THSD7A: variants seen among roughly 807,000 people sequenced by gnomAD.
The protein encoded by THSD7A is thrombospondin type 1 domain containing 7A, also known as thrombospondin type-1 domain-containing protein 7A.
THSD7A carries 96 observed loss-of-function variants against 231.3 expected under a neutral mutation model. That is an observed-to-expected ratio of 0.41 (90% CI 0.35 to 0.49). The LOEUF is 0.49. THSD7A is among the 20% of genes least tolerant of loss of function. The pLI is 0.05. For synonymous variants in THSD7A, 940 were observed against 743.3 expected (o/e 1.26, Z -4.30); for missense variants, 2,290 against 2,070.2 (o/e 1.11, Z -2.06).
chr7:11,376,938 A>G (rs937401417), intron 26 of THSD7A: 7 of 270,952 alleles, frequency 2.6e-5, no homozygotes, highest in Admixed American at 9.9e-5. Flanking sequence ...TTTCATCTCA[A>G]TTTTACTTCA....
intron 2 of THSD7A, among the ~76,000 whole-genome samples, chr7:11,606,568 C>A (rs1049563916): frequency 1.3e-5 from 2 of 152,032 alleles, no homozygotes; most frequent in African/African-American, 2.4e-5. Context: ...TCATTTTTAG[C>A]CTCTGTAGAA....
chr7:11,487,870 G>A (rs1786726036), intron 6 of THSD7A, among the ~76,000 whole-genome samples: 1 of 152,088 alleles, frequency 6.6e-6, no homozygotes, highest in Non-Finnish European at 1.5e-5. Context: ...ATTTGGGTGG[G>A]GACACAGCAA....
chr7:11,557,833 T>C (rs953034571), intron 4 of THSD7A, among the ~76,000 whole-genome samples: 1 of 152,160 alleles, frequency 6.6e-6, no homozygotes. Context: ...GTCAGTTCCC[T>C]ACTTGGCCTT....
chr7:11,493,135 C>T (rs1041020263), intron 6 of THSD7A, among the ~76,000 whole-genome samples: 6 of 152,104 alleles, frequency 3.9e-5, no homozygotes, highest in African/African-American at 1.4e-4. Context: ...ACGTATATAG[C>T]TGATACAGAA....
intron 13 of THSD7A, among the ~76,000 whole-genome samples, chr7:11,431,444 T>C (rs1784475271): frequency 6.6e-6 from 1 of 152,196 alleles, no homozygotes; most frequent in Non-Finnish European, 1.5e-5. Flanking sequence ...TCTTCAGTTG[T>C]TGAAAAAACC....
At chr7:11,695,676 G>A (rs372725749) in intron 1 of THSD7A, among the ~76,000 whole-genome samples, 2 of 151,406 alleles carry the variant, frequency 1.3e-5, no homozygotes, top group African/African-American at 4.8e-5. Flanking sequence ...AAAACTAAAC[G>A]GAGTAATTGG....
At chr7:11,589,481 A>G (rs556676882) in intron 4 of THSD7A, among the ~76,000 whole-genome samples, 2 of 152,254 alleles carry the variant, frequency 1.3e-5, no homozygotes, top group African/African-American at 2.4e-5. Flanking sequence ...CTCTATTTCT[A>G]CTACTCCCTT....
chr7:11,828,969 A>G (rs1785108230), intron 1 of THSD7A, among the ~76,000 whole-genome samples: 1 of 152,094 alleles, frequency 6.6e-6, no homozygotes, highest in Non-Finnish European at 1.5e-5. Flanking sequence ...GAAGATAAAG[A>G]CCTTTATGAT....
intron 6 of THSD7A, among the ~76,000 whole-genome samples, chr7:11,523,914 G>A (rs10278896): frequency 0.25 from 37,356 of 151,798 alleles, 5,478 homozygotes; most frequent in African/African-American, 0.41. Flanking sequence ...TTGGGATATG[G>A]TTCCTTAGAA....
At chr7:11,693,563 G>T (rs1455164270) in intron 1 of THSD7A, among the ~76,000 whole-genome samples, 2 of 151,486 alleles carry the variant, frequency 1.3e-5, no homozygotes, top group Admixed American at 1.3e-4. Context: ...TAAAGTTAGG[G>T]TTAACCGTAA....
At chr7:11,568,732 C>G in intron 4 of THSD7A, among the ~76,000 whole-genome samples, 1 of 146,558 alleles carries the variant, frequency 6.8e-6, no homozygotes, top group African/African-American at 2.5e-5. Flanking sequence ...CCAGACCAAT[C>G]AGGCAAGGGG....
At chr7:11,431,402 A>C (rs1306899875) in intron 13 of THSD7A, among the ~76,000 whole-genome samples, 1 of 152,108 alleles carries the variant, frequency 6.6e-6, no homozygotes, top group South Asian at 2.1e-4. Context: ...GTCCAACTTC[A>C]TTCTTTTGCA....
chr7:11,600,897 A>G (rs558266364), intron 2 of THSD7A, among the ~76,000 whole-genome samples: 2 of 152,314 alleles, frequency 1.3e-5, no homozygotes, highest in South Asian at 4.1e-4. Context: ...GGGTCTGGGA[A>G]GAAGATCATC....
intron 1 of THSD7A, among the ~76,000 whole-genome samples, chr7:11,762,677 T>C (rs1048252963): frequency 1.3e-5 from 2 of 152,182 alleles, no homozygotes; most frequent in African/African-American, 4.8e-5. Flanking sequence ...TTTCTCCCAT[T>C]CTGGAAGTTG....
rs1784899453 is a variant in THSD7A, at chr7:11,444,480, T to C, written c.3064+1581A>G. Among the ~76,000 whole-genome samples, 2 of 151,960 alleles carry C rather than the reference T, an allele frequency of 1.3e-5. No individual in the cohort carries two copies. Among genetic ancestry groups the C allele is most frequent in the Admixed American group, 6.6e-5 (1 of 15,202 alleles). ...AAATGGATGAAGCTGGAAACCGTCA[T>C]GCCCAGCAAACTAACACAAGAACAG... On this transcript the variant is annotated intron_variant, in intron 13 of 27. Coordinates refer to ENST00000423059, the MANE Select transcript of THSD7A (RefSeq NM_015204.3). This position sits in a 1 kb window ranked among gnomAD's most constrained non-coding sequence, Gnocchi z 4.2.
At chr7:11,652,268 T>C (rs1782532777) in intron 1 of THSD7A, among the ~76,000 whole-genome samples, 1 of 151,962 alleles carries the variant, frequency 6.6e-6, no homozygotes, top group Admixed American at 6.6e-5. Context: ...AAAATGTCAA[T>C]TGTTTCCTTT....
chr7:11,759,373 A>G (rs1295455249), intron 1 of THSD7A, among the ~76,000 whole-genome samples: 3 of 152,086 alleles, frequency 2.0e-5, no homozygotes, highest in Admixed American at 6.6e-5. Context: ...AGAATATTAA[A>G]CAGCAGATGA....
At chr7:11,512,236 T>C (rs1296640173) in intron 6 of THSD7A, among the ~76,000 whole-genome samples, 1 of 152,106 alleles carries the variant, frequency 6.6e-6, no homozygotes, top group Non-Finnish European at 1.5e-5. Flanking sequence ...CACAATGAGA[T>C]ACCACCTCAC....
chr7:11,652,948 T>A (rs73292676), intron 1 of THSD7A, among the ~76,000 whole-genome samples: 15,583 of 152,054 alleles, frequency 0.1, 1,008 homozygotes, highest in Non-Finnish European at 0.15. Context: ...ACAATCTGAA[T>A]GCAAATGTTT....
Sources: allele counts gnomAD v4.1 joint callset (sites outside exome capture counted in the v4.1 genomes callset), GRCh38; gene constraint gnomAD v4.1.1; non-coding constraint Gnocchi (gnomAD v3.1); transcripts MANE v1.5; gene names NCBI Gene and HGNC (gene_info 2026-07-23, HGNC 2026-07-21).